The following LPXN variants were observed in gnomAD, a reference collection of about 807,000 sequenced individuals.
The protein encoded by LPXN is leupaxin.
Under a neutral mutation model 45.6 loss-of-function variants are expected in LPXN, and 28 were observed. The observed-to-expected ratio is 0.61, with a 90% CI of 0.45 to 0.84. The LOEUF (loss-of-function observed/expected upper bound fraction) is 0.84, where lower values mean the gene tolerates loss of function less well. LPXN is among the 40% of genes least tolerant of loss of function. LPXN has a pLI of 0.00. For missense variants in LPXN, 459 were observed against 475.0 expected (o/e 0.97, Z 0.31); for synonymous variants, 166 against 169.9 (o/e 0.98, Z 0.18).
chr11:58,575,413 C>T (rs1315865237), intron 1 of LPXN, among the ~76,000 whole-genome samples: 6 of 152,270 alleles, frequency 3.9e-5, no homozygotes, highest in African/African-American at 1.2e-4. Context: ...TGCATTGTCT[C>T]GCTATGTGGC....
intron 7 of LPXN, among the ~76,000 whole-genome samples, chr11:58,544,437 C>T (rs1853821506): frequency 6.6e-6 from 1 of 152,160 alleles, no homozygotes; most frequent in Non-Finnish European, 1.5e-5. Context: ...CTGAGCTTGC[C>T]TATAGGTAGG....
At position 58,550,149 on chromosome 11, in the gene LPXN, G is replaced by A. The variant is rs1250327442; in HGVS notation, c.487-3C>T. 1 of 1,610,482 alleles carries A rather than the reference G, an allele frequency of 6.2e-7. No individual in the cohort carries two copies. Among genetic ancestry groups the A allele is most frequent in the African/African-American group, 1.3e-5 (1 of 74,842 alleles). On this transcript the variant is annotated splice_polypyrimidine_tract_variant and splice_region_variant and intron_variant, in intron 5 of 8. Transcript: ENST00000395074. ...GATTGCCCTAGAGCATGGATCACCT[G>A]TGGAGTGAAATAAAGCCTGACACAG...
At chr11:58,531,207 C>T (rs1464736982) in intron 7 of LPXN, among the ~76,000 whole-genome samples, 6 of 152,004 alleles carry the variant, frequency 3.9e-5, no homozygotes, top group East Asian at 1.9e-4. Flanking sequence ...ATGAGTCTGA[C>T]GAACTGATAG....
At chr11:58,572,902 C>T (rs893005585) in intron 1 of LPXN, among the ~76,000 whole-genome samples, 3 of 152,154 alleles carry the variant, frequency 2.0e-5, no homozygotes, top group African/African-American at 4.8e-5. Flanking sequence ...AAACTATTTT[C>T]TCTACTTTTG....
chr11:58,570,694 C>T lies in LPXN; in HGVS notation c.33G>A (p.Leu11=), dbSNP rs766547502. 3.4e-5 allele frequency: 54 copies of T among 1,610,040 alleles called. No individual in the cohort carries two copies. The South Asian group carries it at 5.3e-4, about 16-fold the overall frequency. Residue 11 remains leucine, a synonymous_variant, in exon 2 of 9, where the codon CTG becomes CTA. Coordinates refer to ENST00000395074, the MANE Select transcript of LPXN (RefSeq NM_004811.3). ...CACTGTCCTGAAGGGTGGAGCGTTCCAGTTCCTCCAATAAGGCATCTACAC... is the reference window on the plus strand; with the variant it reads ...CACTGTCCTGAAGGGTGGAGCGTTCTAGTTCCTCCAATAAGGCATCTACAC... MEELDALLEE[L]ERSTLQDSDE... is the part of the protein sequence containing the mutation.
chr11:58,567,897 A>G (rs1854570856), intron 2 of LPXN, among the ~76,000 whole-genome samples: 2 of 152,238 alleles, frequency 1.3e-5, no homozygotes. Flanking sequence ...AGAGCTTCAC[A>G]TATACAAATA....
intron 3 of LPXN, among the ~76,000 whole-genome samples, chr11:58,555,803 T>C (rs1854186428): frequency 6.8e-6 from 1 of 148,026 alleles, no homozygotes; most frequent in Non-Finnish European, 1.5e-5. Flanking sequence ...CCTTTGGGAG[T>C]TGAAAGCTAA....
intron 3 of LPXN, among the ~76,000 whole-genome samples, chr11:58,558,540 CAAAA>C (rs35870490): frequency 2.5e-4 from 12 of 48,018 alleles, no homozygotes; most frequent in East Asian, 1.3e-3. Flanking sequence ...GAGACCCTGT[CAAAA>C]AAAAAAAAAA....
intron 3 of LPXN, among the ~76,000 whole-genome samples, chr11:58,556,713 T>C (rs1854214708): frequency 6.6e-6 from 1 of 152,084 alleles, no homozygotes; most frequent in African/African-American, 2.4e-5. Context: ...TTCTTATTGA[T>C]CATCAATAAG....
intron 8 of LPXN, 90 bp from the exon 9 acceptor site, chr11:58,527,813 C>T (rs539087836): frequency 3.1e-6 from 4 of 1,297,682 alleles, no homozygotes; most frequent in Non-Finnish European, 4.3e-6. Flanking sequence ...AAATTCCTGA[C>T]AGTTACCTGC....
At chr11:58,577,598 C>A (rs533432747), upstream of LPXN, among the ~76,000 whole-genome samples, 7 of 152,318 alleles carry the variant, frequency 4.6e-5, no homozygotes, top group East Asian at 1.2e-3. Context: ...CACTGCATCA[C>A]CAACTGCAAC....
At position 58,555,085 on chromosome 11, in the gene LPXN, T is replaced by C. The variant is rs145466387; in HGVS notation, c.219-145A>G. Reference sequence around the variant, plus strand: ...CAGAGATGGGGGTATTTTAAAAATATATTAATATGTACTAGACCAAAAATC... The same window carrying C: ...CAGAGATGGGGGTATTTTAAAAATACATTAATATGTACTAGACCAAAAATC... On this transcript the variant is annotated intron_variant, in intron 3 of 8. Transcript: ENST00000395074. 1.0e-5 allele frequency: 6 copies of C among 583,516 alleles called. No individual in the cohort carries two copies. In the Admixed American group the frequency reaches 1.5e-4, roughly 15 times the overall value. The allele number at this position is 583,516 out of a possible 1,614,324, so 36.1% of individuals were successfully genotyped here.
chr11:58,548,346 A>G (rs376422727), intron 7 of LPXN, among the ~76,000 whole-genome samples: 42 of 152,240 alleles, frequency 2.8e-4, no homozygotes, highest in South Asian at 1.0e-3. Flanking sequence ...ATTACTAGAT[A>G]TAATTCTAAG....
chr11:58,578,262 A>G, upstream of LPXN: 1 of 514,728 alleles, frequency 1.9e-6, no homozygotes. Context: ...CTGCCTCCCG[A>G]AAAAAAGGTA....
chr11:58,544,319 T>C (rs575750159), intron 7 of LPXN, among the ~76,000 whole-genome samples: 1 of 152,342 alleles, frequency 6.6e-6, no homozygotes, highest in East Asian at 1.9e-4. Context: ...TTGCTGGGTC[T>C]TCCACCCTGA....
intron 7 of LPXN, among the ~76,000 whole-genome samples, chr11:58,528,520 T>C (rs143684713): frequency 6.6e-6 from 1 of 152,322 alleles, no homozygotes; most frequent in Non-Finnish European, 1.5e-5. Context: ...ATCACTCAAA[T>C]ATCATCTTAT....
intron 7 of LPXN, among the ~76,000 whole-genome samples, chr11:58,530,721 C>T (rs1195836663): frequency 6.6e-6 from 1 of 152,194 alleles, no homozygotes; most frequent in South Asian, 2.1e-4. Flanking sequence ...AGACTGCCTC[C>T]TTGAGTGGGT....
intron 1 of LPXN, among the ~76,000 whole-genome samples, chr11:58,574,647 C>T (rs988093168): frequency 6.6e-6 from 1 of 152,136 alleles, no homozygotes; most frequent in Admixed American, 6.5e-5. Context: ...ATTCTCCCAG[C>T]ACTCACGTAG....
chr11:58,543,003 C>T (rs1040157191), intron 7 of LPXN, among the ~76,000 whole-genome samples: 1 of 152,198 alleles, frequency 6.6e-6, no homozygotes, highest in African/African-American at 2.4e-5. Context: ...TTGAAACTCA[C>T]TTCCCTGAGA....
Sources: gnomAD v4.1 joint callset for allele counts (sites outside exome capture counted in the v4.1 genomes callset) on GRCh38, gnomAD v4.1.1 for gene constraint, MANE v1.5 for transcripts, NCBI Gene and HGNC (gene_info 2026-07-23, HGNC 2026-07-21) for gene names.